FANCL: variants seen among roughly 807,000 people sequenced by gnomAD.
The protein encoded by FANCL is FA complementation group L.
In FANCL, 69 loss-of-function variants were observed where a neutral mutation model predicts 59.4. The ratio of observed to expected loss-of-function variants is 1.16; its 90% CI spans 0.96 to 1.42. The LOEUF (loss-of-function observed/expected upper bound fraction) is 1.42, where lower values mean the gene tolerates loss of function less well. Among genes scored for constraint, FANCL ranks in the 40% most tolerant of loss-of-function variants. The pLI is 0.00. For synonymous variants in FANCL, 180 were observed against 147.1 expected, an observed-to-expected ratio of 1.22 and a Z score of -1.62; for missense variants, 519 against 447.2, an observed-to-expected ratio of 1.16 and a Z score of -1.45.
At chr2:58,197,587 CTA>C (rs1385103379) in intron 7 of FANCL, among the ~76,000 whole-genome samples, 1 of 152,124 alleles carries the variant, frequency 6.6e-6, no homozygotes, top group Non-Finnish European at 1.5e-5. Context: ...CACCTTATAT[CTA>C]TGTTATAGTT....
At chr2:58,165,580 G>A (rs1446920401) in intron 8 of FANCL, 144 bp downstream of exon 8, 5 of 900,862 alleles carry the variant, frequency 5.6e-6, no homozygotes, top group Admixed American at 2.3e-5. Flanking sequence ...ATTTAAATGT[G>A]TAGCCAAAAA....
chr2:58,189,456 A>G (rs1008097202), intron 7 of FANCL, among the ~76,000 whole-genome samples: 2 of 152,100 alleles, frequency 1.3e-5, no homozygotes, highest in African/African-American at 4.8e-5. Flanking sequence ...TACACCCAAC[A>G]CTTAAAAGAA....
intron 3 of FANCL, among the ~76,000 whole-genome samples, chr2:58,228,457 G>A (rs1258031883): frequency 1.3e-5 from 2 of 152,112 alleles, no homozygotes; most frequent in Admixed American, 6.5e-5. Flanking sequence ...AAATGACAGG[G>A]TCTGGAAACT....
chr2:58,194,202 C>T (rs1689212198), intron 7 of FANCL: 2 of 470,820 alleles, frequency 4.2e-6, no homozygotes, highest in Non-Finnish European at 8.8e-6. Context: ...AATACTTCAC[C>T]AAGCCTGCAC....
chr2:58,206,864 G>C (rs1203185984), intron 5 of FANCL, among the ~76,000 whole-genome samples: 1 of 152,130 alleles, frequency 6.6e-6, no homozygotes, highest in African/African-American at 2.4e-5. Flanking sequence ...GCTGCTTCCT[G>C]GTCACTTTGT....
rs572682934 is a variant in FANCL at position 58,204,487 on chromosome 2, A to G, written c.375-261T>C. ...GCTCATGCTGTGGTCAGTGAGCACTATGTTTCAGTTTTCCATCACTGGAAC... is the reference window on the plus strand; with the variant it reads ...GCTCATGCTGTGGTCAGTGAGCACTGTGTTTCAGTTTTCCATCACTGGAAC... On this transcript the variant is annotated intron_variant, in intron 5 of 13. Transcript: ENST00000233741. Among the ~76,000 whole-genome samples the G allele has an allele frequency of 5.9e-5, 9 of 152,222 alleles. No homozygotes were observed. In the South Asian group the frequency reaches 1.9e-3, roughly 32 times the overall value.
chr2:58,239,861 C>T (rs1694352165), intron 1 of FANCL, among the ~76,000 whole-genome samples: 1 of 152,126 alleles, frequency 6.6e-6, no homozygotes, highest in African/African-American at 2.4e-5. Flanking sequence ...ATTACTTGTA[C>T]TGTATATCCT....
intron 1 of FANCL, among the ~76,000 whole-genome samples, chr2:58,240,741 G>A (rs1473953124): frequency 6.6e-6 from 1 of 152,182 alleles, no homozygotes; most frequent in Non-Finnish European, 1.5e-5. Flanking sequence ...GGGTGTACAG[G>A]TACATACGAC....
intron 1 of FANCL, among the ~76,000 whole-genome samples, chr2:58,237,436 A>G (rs1000420667): frequency 6.6e-6 from 1 of 152,148 alleles, no homozygotes; most frequent in Non-Finnish European, 1.5e-5. Flanking sequence ...CAGCACACCA[A>G]AATGTGTGTG....
chr2:58,177,121 T>A (rs1232809604), intron 7 of FANCL, among the ~76,000 whole-genome samples: 1 of 152,044 alleles, frequency 6.6e-6, no homozygotes, highest in Non-Finnish European at 1.5e-5. Flanking sequence ...CATTAAAAAG[T>A]CAGGAAACAA....
At chr2:58,234,632 G>C (rs1046388546) in intron 1 of FANCL, among the ~76,000 whole-genome samples, 8 of 151,666 alleles carry the variant, frequency 5.3e-5, no homozygotes, top group Non-Finnish European at 7.4e-5. Flanking sequence ...ATACCAAAAG[G>C]GATAAGTGGC....
chr2:58,164,970 G>C (rs565173334), intron 8 of FANCL, among the ~76,000 whole-genome samples: 3 of 152,160 alleles, frequency 2.0e-5, no homozygotes, highest in Non-Finnish European at 4.4e-5. Flanking sequence ...TAACTTGGAT[G>C]TGATTCACAT....
At chr2:58,239,383 G>A (rs551702535) in intron 1 of FANCL, among the ~76,000 whole-genome samples, 2 of 152,182 alleles carry the variant, frequency 1.3e-5, no homozygotes, top group East Asian at 1.9e-4. Context: ...TAATAGTGAG[G>A]AAATATCATC....
intron 11 of FANCL, among the ~76,000 whole-genome samples, chr2:58,162,011 A>G (rs1403596492): frequency 6.6e-6 from 1 of 151,954 alleles, no homozygotes; most frequent in Non-Finnish European, 1.5e-5. Context: ...ATACACAGCT[A>G]GGCTAAAAAA....
chr2:58,240,893 CA>C (rs987972456), intron 1 of FANCL, among the ~76,000 whole-genome samples: 32 of 148,716 alleles, frequency 2.2e-4, no homozygotes, highest in African/African-American at 7.1e-4. Flanking sequence ...GCAAAATTTA[CA>C]AAAAAAAAAT....
chr2:58,213,006 G>A (rs1691333754), intron 5 of FANCL, among the ~76,000 whole-genome samples: 1 of 152,014 alleles, frequency 6.6e-6, no homozygotes, highest in Non-Finnish European at 1.5e-5. Flanking sequence ...ATCCTATAGA[G>A]TTGATTAGAA....
In FANCL at chr2:58,205,877, C is replaced by A. The variant is rs543703108; in HGVS notation, c.375-1651G>T. ...AAGAAACTTTAAACCAAATTATAAACAATAAAACTGCATTAAAAATGGTAA... is the reference window on the plus strand; with the variant it reads ...AAGAAACTTTAAACCAAATTATAAAAAATAAAACTGCATTAAAAATGGTAA... On this transcript the variant is annotated intron_variant, in intron 5 of 13. Coordinates refer to ENST00000233741, the MANE Select transcript of FANCL (RefSeq NM_018062.4). Among the ~76,000 whole-genome samples, 11 of 152,104 alleles carry A rather than the reference C, an allele frequency of 7.2e-5. No homozygotes were observed. The South Asian group carries it at 2.3e-3, about 31-fold the overall frequency.
At chr2:58,173,842 T>A (rs1228500636) in intron 7 of FANCL, among the ~76,000 whole-genome samples, 1 of 151,988 alleles carries the variant, frequency 6.6e-6, no homozygotes, top group Non-Finnish European at 1.5e-5. Flanking sequence ...ATAGACTGGC[T>A]AATTGGATAA....
At chr2:58,234,380 A>T (rs772934507) in intron 1 of FANCL, among the ~76,000 whole-genome samples, 2 of 151,892 alleles carry the variant, frequency 1.3e-5, no homozygotes, top group African/African-American at 2.4e-5. Context: ...AAGTGAAGGA[A>T]TAAATTTAAA....
Sources: allele counts gnomAD v4.1 joint callset (sites outside exome capture counted in the v4.1 genomes callset), GRCh38; gene constraint gnomAD v4.1.1; transcripts MANE v1.5; gene names NCBI Gene and HGNC (gene_info 2026-07-23, HGNC 2026-07-21).